PAPSS2: variants seen among roughly 807,000 people sequenced by gnomAD.
PAPSS2 encodes 3'-phosphoadenosine 5'-phosphosulfate synthase 2.
A neutral mutation model predicts 66.5 loss-of-function variants in PAPSS2; 61 were observed. The ratio of observed to expected loss-of-function variants is 0.92; its 90% confidence interval spans 0.75 to 1.14. PAPSS2 has a LOEUF of 1.14. PAPSS2 is among the 50% of genes most tolerant of loss of function. The pLI is 0.00. For synonymous variants in PAPSS2, 289 were observed against 287.5 expected (o/e 1.01, Z -0.05); for missense variants, 708 against 789.6 (o/e 0.90, Z 1.24).
chr10:87,687,951 G>A (rs1382653123), intron 1 of PAPSS2, among the ~76,000 whole-genome samples: 1 of 152,080 alleles, frequency 6.6e-6, no homozygotes, highest in Non-Finnish European at 1.5e-5. Flanking sequence ...TGTGCTATTG[G>A]ACAATGCCAC....
chr10:87,695,105 C>A (rs143607735), intron 1 of PAPSS2, among the ~76,000 whole-genome samples: 1,851 of 151,886 alleles, frequency 0.012, 40 homozygotes, highest in African/African-American at 0.042. Flanking sequence ...TCCATGCAGG[C>A]TGCTATCACA....
intron 4 of PAPSS2, 116 bp downstream of exon 4, chr10:87,714,298 C>T: frequency 9.5e-7 from 1 of 1,055,542 alleles, no homozygotes; most frequent in Non-Finnish European, 1.5e-6. Flanking sequence ...TTGCATATAA[C>T]ATGCACAACT....
At chr10:87,664,925 G>A (rs983916187) in intron 1 of PAPSS2, among the ~76,000 whole-genome samples, 4 of 152,178 alleles carry the variant, frequency 2.6e-5, no homozygotes, top group Non-Finnish European at 5.9e-5. Context: ...GCACAGATTA[G>A]GTGTTCAATA....
chr10:87,722,652 G>T (rs530812609), intron 8 of PAPSS2, among the ~76,000 whole-genome samples: 4 of 152,282 alleles, frequency 2.6e-5, no homozygotes, highest in Admixed American at 2.6e-4. Flanking sequence ...AGAGCCAAAT[G>T]AAGCACATGA....
chr10:87,718,420 G>T (rs1030448188), intron 7 of PAPSS2, among the ~76,000 whole-genome samples: 1 of 152,184 alleles, frequency 6.6e-6, no homozygotes, highest in Non-Finnish European at 1.5e-5. Context: ...ATGTAATCCA[G>T]ATGTCTGTCC....
rs529597504 is a variant in PAPSS2 at position 87,713,456 on chromosome 10, C to T, written c.381+146C>T. On this transcript the variant is annotated intron_variant, in intron 3 of 12. Transcript: ENST00000456849. Reference sequence around the variant, plus strand: ...TCCCGACTATTTCTTCCCCCAATAACAGGCTCTCTCATTTCCTCTATTTAA... The same window carrying T: ...TCCCGACTATTTCTTCCCCCAATAATAGGCTCTCTCATTTCCTCTATTTAA... The T allele has an allele frequency of 4.3e-4, 280 of 645,834 alleles. 10 individuals carry two copies. Among genetic ancestry groups the T allele is most frequent in the South Asian group, 3.9e-3 (216 of 54,692 alleles). The allele number at this position is 645,834 out of a possible 1,614,324, so 40.0% of individuals were successfully genotyped here. A position where few individuals can be genotyped will look rare whatever the true frequency, so the allele number is the denominator to read the frequency against.
intron 9 of PAPSS2, among the ~76,000 whole-genome samples, chr10:87,731,212 A>T (rs920629210): frequency 5.9e-5 from 9 of 152,210 alleles, no homozygotes; most frequent in African/African-American, 2.2e-4. Context: ...GATTATGCTG[A>T]ATTTATTCTT....
In PAPSS2 at chr10:87,709,292, G is replaced by A. The variant is rs1853436314; in HGVS notation, c.124G>A (p.Gly42Arg). ...GGTTGGAACAAGGGGTGGGTTCCGAGGATGTACCGTGTGGCTAACAGGTAT... is the reference window on the plus strand; with the variant it reads ...GGTTGGAACAAGGGGTGGGTTCCGAAGATGTACCGTGTGGCTAACAGGTAT... The part of the protein sequence containing the change: ...QVVGTRGGFR[G>R]CTVWLTGLSG... Residue 42 changes from glycine (G) to arginine (R), a missense_variant, in exon 2 of 13, where the codon GGA (glycine) becomes AGA (arginine). Physicochemically the swap from Gly to Arg is moderately radical, Grantham distance 125 (BLOSUM62 -2). Coordinates refer to ENST00000456849, the MANE Select transcript of PAPSS2 (RefSeq NM_001015880.2). 6.2e-7 allele frequency: 1 copy of A among 1,608,588 alleles called. No homozygotes were observed. Among genetic ancestry groups the A allele is most frequent in the African/African-American group, 1.3e-5 (1 of 74,468 alleles).
intron 10 of PAPSS2, among the ~76,000 whole-genome samples, chr10:87,742,459 AG>A (rs1378389592): frequency 6.6e-6 from 1 of 152,156 alleles, no homozygotes; most frequent in African/African-American, 2.4e-5. Context: ...AGGGAGAAAA[AG>A]TAATAATAGG....
chr10:87,682,222 A>G (rs1185013670), intron 1 of PAPSS2, among the ~76,000 whole-genome samples: 4 of 152,216 alleles, frequency 2.6e-5, no homozygotes, highest in African/African-American at 9.6e-5. Flanking sequence ...TTTCAAAGGC[A>G]TTGTATAGCC....
At chr10:87,705,127 T>C (rs1421801269) in intron 1 of PAPSS2, among the ~76,000 whole-genome samples, 3 of 152,210 alleles carry the variant, frequency 2.0e-5, no homozygotes, top group African/African-American at 7.2e-5. Context: ...TCTGAATTAG[T>C]GCATTAGTTT....
chr10:87,718,484 T>G (rs1016918629), intron 7 of PAPSS2, among the ~76,000 whole-genome samples: 7 of 152,226 alleles, frequency 4.6e-5, no homozygotes, highest in South Asian at 2.1e-4. Context: ...CATTAATACT[T>G]GAAGCCTACT....
At chr10:87,673,844 G>A (rs1240342261) in intron 1 of PAPSS2, among the ~76,000 whole-genome samples, 1 of 151,628 alleles carries the variant, frequency 6.6e-6, no homozygotes, top group Non-Finnish European at 1.5e-5. Context: ...ATACTTTTAG[G>A]AACTCTACAG....
At position 87,713,084 on chromosome 10, in the gene PAPSS2, G is replaced by A. The variant is rs1441136580; in HGVS notation, c.155G>A (p.Gly52Asp). 4 of 1,606,406 alleles carry A rather than the reference G, an allele frequency of 2.5e-6. No homozygotes were observed. Among genetic ancestry groups the A allele is most frequent in the Non-Finnish European group, 3.4e-6 (4 of 1,173,940 alleles). The change falls in exon 3 of 13, where the codon GGT becomes GAT. Residue 52 changes from glycine to aspartate, a missense_variant. By Grantham distance (94) the Gly-to-Asp change is moderately conservative. Transcript: ENST00000456849. ...TATCTGTTCTGAACAGGTCTCTCTG[G>A]TGCTGGAAAAACAACGATAAGTTTT... is the stretch of plus-strand genomic sequence containing the variant. The part of the protein sequence containing the change: ...GCTVWLTGLS[G>D]AGKTTISFAL...
chr10:87,721,661 T>C, intron 7 of PAPSS2, 95 bp from the exon 8 acceptor site: 1 of 784,512 alleles, frequency 1.3e-6, no homozygotes, highest in African/African-American at 1.7e-5. Context: ...ATATGTGAAG[T>C]GTCATAATAG....
intron 2 of PAPSS2, among the ~76,000 whole-genome samples, chr10:87,712,835 A>C (rs950106012): frequency 6.6e-6 from 1 of 152,048 alleles, no homozygotes; most frequent in African/African-American, 2.4e-5. Flanking sequence ...GTAGCCCCCA[A>C]ATCTCCCTAT....
At chr10:87,697,793 GTCTCT>G (rs1853252897) in intron 1 of PAPSS2, among the ~76,000 whole-genome samples, 1 of 152,116 alleles carries the variant, frequency 6.6e-6, no homozygotes, top group Non-Finnish European at 1.5e-5. Context: ...AAACTCCACA[GTCTCT>G]TCTCTTCCAG....
intron 2 of PAPSS2, among the ~76,000 whole-genome samples, chr10:87,712,341 G>A (rs1023103548): frequency 2.0e-5 from 3 of 152,198 alleles, no homozygotes; most frequent in African/African-American, 7.2e-5. Flanking sequence ...TCCAGGGGCT[G>A]GCTGTTTCCC....
chr10:87,692,349 C>T (rs1433294363), intron 1 of PAPSS2, among the ~76,000 whole-genome samples: 1 of 152,012 alleles, frequency 6.6e-6, no homozygotes, highest in East Asian at 1.9e-4. Flanking sequence ...GGATGGTAGA[C>T]AAAGCCTTGG....
Sources: gnomAD v4.1 joint callset for allele counts (sites outside exome capture counted in the v4.1 genomes callset) on GRCh38, gnomAD v4.1.1 for gene constraint, MANE v1.5 for transcripts, NCBI Gene and HGNC (gene_info 2026-07-23, HGNC 2026-07-21) for gene names.